MAP4K4: variants seen among roughly 807,000 people sequenced by gnomAD.
The protein encoded by MAP4K4 is HPK/GCK-like kinase HGK.
In MAP4K4, 38 loss-of-function variants were observed where a neutral mutation model predicts 189.6. That is an observed-to-expected ratio of 0.20 (90% CI 0.15 to 0.26). MAP4K4 has a LOEUF of 0.26. Among genes scored for constraint, MAP4K4 ranks in the 10% least tolerant of loss-of-function variants. MAP4K4 has a pLI of 1.00. For missense variants in MAP4K4, 1,054 were observed against 1,726.9 expected (o/e 0.61, Z 6.91); for synonymous variants, 610 against 624.3 (o/e 0.98, Z 0.34).
intron 2 of MAP4K4, among the ~76,000 whole-genome samples, chr2:101,709,559 C>G (rs1010519736): frequency 2.0e-5 from 3 of 152,174 alleles, no homozygotes; most frequent in African/African-American, 7.2e-5. Context: ...TGAAGACAAA[C>G]TATTCACTAT....
intron 8 of MAP4K4, among the ~76,000 whole-genome samples, chr2:101,835,186 A>T (rs1367827098): frequency 1.3e-5 from 2 of 152,232 alleles, no homozygotes; most frequent in Non-Finnish European, 2.9e-5. Context: ...CTTCCCTCTA[A>T]GAAAGTAAGG....
At chr2:101,717,533 A>G (rs2049068215) in intron 2 of MAP4K4, among the ~76,000 whole-genome samples, 1 of 152,188 alleles carries the variant, frequency 6.6e-6, no homozygotes, top group Admixed American at 6.5e-5. Flanking sequence ...TCTTGCCTTG[A>G]ATTAACCAGT....
At chr2:101,755,920 GTTCTTT>G (rs1163705908) in intron 2 of MAP4K4, among the ~76,000 whole-genome samples, 1 of 124,198 alleles carries the variant, frequency 8.1e-6, no homozygotes, top group East Asian at 2.5e-4. Context: ...TATAGTATGA[GTTCTTT>G]TTCTTTTTTT....
intron 2 of MAP4K4, among the ~76,000 whole-genome samples, chr2:101,733,402 G>A (rs189320254): frequency 9.5e-4 from 144 of 152,290 alleles, no homozygotes; most frequent in African/African-American, 3.4e-3. Flanking sequence ...AGAGGGTGAA[G>A]TTCTTTCATG....
Position 101,731,605 on chromosome 2 carries a change from C to T in MAP4K4, c.123+33067C>T, listed in dbSNP as rs190865765. The stretch of plus-strand genomic sequence containing the variant: ...GAAACCCCATCTCTAAAAATAAATA[C>T]AAAAATTACCCAGGCGTCATGGTGT... On this transcript the variant is annotated intron_variant, in intron 2 of 32. Transcript: ENST00000324219. Among the ~76,000 whole-genome samples, 21 of 151,988 alleles carry T rather than the reference C, an allele frequency of 1.4e-4. No homozygotes were observed. In the East Asian group the frequency reaches 3.3e-3, roughly 24 times the overall value.
chr2:101,732,197 T>C (rs1198636746), intron 2 of MAP4K4, among the ~76,000 whole-genome samples: 1 of 152,166 alleles, frequency 6.6e-6, no homozygotes, highest in African/African-American at 2.4e-5. Flanking sequence ...ACCATGGCCC[T>C]GGGGCTGAAG....
At chr2:101,792,440 A>C (rs1221852257) in intron 3 of MAP4K4, among the ~76,000 whole-genome samples, 4 of 152,052 alleles carry the variant, frequency 2.6e-5, no homozygotes, top group East Asian at 3.9e-4. Flanking sequence ...AATGGAATCT[A>C]AATGTGGTTT....
chr2:101,860,012 G>T, intron 15 of MAP4K4, 148 bp downstream of exon 15: 1 of 827,206 alleles, frequency 1.2e-6, no homozygotes. Flanking sequence ...TTGAATTTCA[G>T]AGGAGTGGAG....
intron 3 of MAP4K4, among the ~76,000 whole-genome samples, chr2:101,817,199 C>T (rs1034417615): frequency 4.6e-5 from 7 of 152,098 alleles, no homozygotes; most frequent in Non-Finnish European, 7.4e-5. Flanking sequence ...GATTGGGGCT[C>T]GACGAGGTCA....
intron 2 of MAP4K4, among the ~76,000 whole-genome samples, chr2:101,707,977 A>G (rs908761649): frequency 6.6e-6 from 1 of 151,466 alleles, no homozygotes; most frequent in Non-Finnish European, 1.5e-5. Flanking sequence ...CTGGGATTAC[A>G]GGTGTGAGCC....
intron 2 of MAP4K4, among the ~76,000 whole-genome samples, chr2:101,723,481 C>T (rs2053442824): frequency 6.6e-6 from 1 of 152,080 alleles, no homozygotes; most frequent in African/African-American, 2.4e-5. Context: ...TTTGCCCAAC[C>T]TCTGGAGAAC....
chr2:101,754,626 T>A (rs1477876494), intron 2 of MAP4K4, among the ~76,000 whole-genome samples: 2 of 152,190 alleles, frequency 1.3e-5, no homozygotes, highest in Non-Finnish European at 2.9e-5. Context: ...AGTGCTGGGA[T>A]TACAGGCATG....
intron 2 of MAP4K4, among the ~76,000 whole-genome samples, chr2:101,775,198 A>T (rs144328017): frequency 6.6e-6 from 1 of 151,610 alleles, no homozygotes; most frequent in Non-Finnish European, 1.5e-5. Flanking sequence ...GTTTAGGAGG[A>T]TGAGTTTCTG....
At chr2:101,759,494 TCCTCCCCTCTCCCCTCC>T (rs1558773097) in intron 2 of MAP4K4, among the ~76,000 whole-genome samples, 3 of 23,588 alleles carry the variant, frequency 1.3e-4, no homozygotes, top group African/African-American at 2.0e-4. Context: ...CCCTCCCCTC[TCCTCCCCTCTCCCCTCC>T]CCTCCCCATT....
exon 1 of MAP4K4, chr2:101,698,037 A>G: frequency 7.8e-7 from 1 of 1,278,650 alleles, no homozygotes. Flanking sequence ...ACAGAGCGAC[A>G]GAGACATTTA....
exon 10 of MAP4K4, chr2:101,839,861 G>A: frequency 1.2e-6 from 2 of 1,608,000 alleles, no homozygotes; most frequent in Non-Finnish European, 1.7e-6. Flanking sequence ...GCCTGGTGAA[G>A]AATTACATGC....
intron 26 of MAP4K4, 134 bp from the exon 27 acceptor site, chr2:101,876,864 CTATTT>C: frequency 2.6e-6 from 2 of 757,250 alleles, no homozygotes; most frequent in Non-Finnish European, 4.3e-6. Flanking sequence ...TAACCTTTGA[CTATTT>C]TAAGGATTTC....
chr2:101,873,734 C>T (rs1559291155), exon 25 of MAP4K4: 1 of 1,611,072 alleles, frequency 6.2e-7, no homozygotes, highest in Non-Finnish European at 8.5e-7. Flanking sequence ...ACAGATTTCT[C>T]CATCTAGCGG....
intron 16 of MAP4K4, chr2:101,861,837 A>T (rs1164110926): frequency 6.6e-6 from 1 of 152,066 alleles, no homozygotes; most frequent in Non-Finnish European, 1.5e-5. Flanking sequence ...ACAAGTTCTT[A>T]AACTCGAGTT....
Sources: gnomAD v4.1 joint callset for allele counts (sites outside exome capture counted in the v4.1 genomes callset) on GRCh38, gnomAD v4.1.1 for gene constraint, MANE v1.5 for transcripts, NCBI Gene and HGNC (gene_info 2026-07-23, HGNC 2026-07-21) for gene names.